The following SLF1 variants were observed in gnomAD, a reference collection of about 807,000 sequenced individuals.
SLF1 encodes the protein SMC5/6 complex localization factor 1, also known as SMC5-SMC6 complex localization factor protein 1.
SLF1 carries 105 observed loss-of-function variants against 123.0 expected under a neutral mutation model. The observed-to-expected ratio is 0.85, with a 90% confidence interval of 0.73 to 1.00. The LOEUF is 1.00. Ranked by LOEUF, SLF1 falls within the 50% of genes least tolerant of loss-of-function variation. The pLI is 0.00. For missense variants in SLF1, 1,239 were observed against 1,223.0 expected, an observed-to-expected ratio of 1.01 and a Z score of -0.20; for synonymous variants, 434 against 406.6, an observed-to-expected ratio of 1.07 and a Z score of -0.81.
chr5:94,645,616 G>T (rs1474424401), intron 5 of SLF1, among the ~76,000 whole-genome samples: 4 of 152,102 alleles, frequency 2.6e-5, no homozygotes, highest in Non-Finnish European at 5.9e-5. Flanking sequence ...CATATACCAT[G>T]CATTATCTAC....
chr5:94,623,775 C>T (rs564615865), intron 1 of SLF1, among the ~76,000 whole-genome samples: 9 of 152,142 alleles, frequency 5.9e-5, no homozygotes, highest in Non-Finnish European at 8.8e-5. Flanking sequence ...CTCTTTTTGG[C>T]CTCATTAACA....
At chr5:94,691,929 A>G (rs1753090870) in intron 19 of SLF1, 145 bp from the exon 20 acceptor site, 1 of 709,296 alleles carries the variant, frequency 1.4e-6, no homozygotes, top group Non-Finnish European at 2.2e-6. Flanking sequence ...AAATATGATT[A>G]CACCCTAGAC....
Position 94,678,822 on chromosome 5 carries a change from A to G in SLF1, c.1842A>G (p.Glu614=), listed in dbSNP as rs199780350. The G allele has an allele frequency of 6.2e-7, 1 of 1,612,946 alleles. No individual in the cohort carries two copies. The highest frequency in any genetic ancestry group is 8.5e-7 in the Non-Finnish European group (1 of 1,179,206). ...CTTAATGTTAGGTCTTCAAACATGAACTAGCTTACTTATTGGCTGGAATTC... is the reference window on the plus strand; with the variant it reads ...CTTAATGTTAGGTCTTCAAACATGAGCTAGCTTACTTATTGGCTGGAATTC... The part of the protein sequence containing the change: ...KFKSNDVFKH[E]LAYLLAGILG... The change falls in exon 15 of 21, where the codon GAA becomes GAG. Residue 614 remains glutamate, a synonymous_variant. Coordinates refer to ENST00000265140, the MANE Select transcript of SLF1 (RefSeq NM_032290.4).
At chr5:94,694,721 A>G (rs1359168865) in intron 20 of SLF1, 110 bp from the exon 21 acceptor site, 1 of 1,349,774 alleles carries the variant, frequency 7.4e-7, no homozygotes, top group African/African-American at 1.5e-5. Flanking sequence ...TTAATACAAA[A>G]TATGATTGCA....
chr5:94,671,025 T>C lies in SLF1; in HGVS notation c.1827+17T>C, dbSNP rs1356989022. On this transcript the variant is annotated intron_variant, in intron 14 of 20. Transcript: ENST00000265140. ...TCTAATGATGTAAGTAGGATTAATT[T>C]ATAGATGAATAGTCTATGGAAACAG... 13 of 1,467,182 alleles carry C rather than the reference T, an allele frequency of 8.9e-6. No individual in the cohort carries two copies. The South Asian group carries it at 1.3e-4, about 14-fold the overall frequency. The allele number at this position is 1,467,182 out of a possible 1,614,324, so 90.9% of individuals were successfully genotyped here.
chr5:94,663,723 T>G, intron 10 of SLF1, 27 bp from the exon 11 acceptor site: 1 of 1,468,602 alleles, frequency 6.8e-7, no homozygotes, highest in East Asian at 2.5e-5. Context: ...TTCTTTTCTC[T>G]GAATCATAGA....
At chr5:94,679,117 GA>G (rs1476170795) in intron 15 of SLF1, among the ~76,000 whole-genome samples, 162 bp downstream of exon 15, 4 of 152,156 alleles carry the variant, frequency 2.6e-5, no homozygotes, top group African/African-American at 9.7e-5. Context: ...ACAATATAAA[GA>G]GGAAGATTTA....
chr5:94,624,234 C>G (rs960478960), intron 1 of SLF1, among the ~76,000 whole-genome samples: 11 of 152,142 alleles, frequency 7.2e-5, no homozygotes, highest in African/African-American at 2.4e-4. Context: ...TCCTACTTCC[C>G]TTTCCTCCGC....
chr5:94,664,854 A>C (rs1377602305), intron 11 of SLF1, among the ~76,000 whole-genome samples: 1 of 152,340 alleles, frequency 6.6e-6, no homozygotes, highest in Non-Finnish European at 1.5e-5. Flanking sequence ...AAATCTGCAC[A>C]TAATCAAGTC....
At position 94,686,619 on chromosome 5, in the gene SLF1, C is replaced by T. The variant is rs1244183857; in HGVS notation, c.2022C>T (p.Ser674=). Residue 674 remains serine, a synonymous_variant, in exon 16 of 21, where the codon TCC becomes TCT. Transcript: ENST00000265140. ...AGATTTTCATTTGCTCCTTTTCCTC[C>T]TCCTGGCTTCAAATGTTTGTTGCAG... The part of the protein sequence containing the change: ...ELEIFICSFS[S]SWLQMFVAEA... 5 of 1,613,912 alleles carry T rather than the reference C, an allele frequency of 3.1e-6. No homozygotes were observed. Among genetic ancestry groups the T allele is most frequent in the South Asian group, 1.1e-5 (1 of 91,082 alleles).
intron 1 of SLF1, among the ~76,000 whole-genome samples, chr5:94,619,069 C>T (rs143483649): frequency 2.0e-5 from 3 of 152,234 alleles, no homozygotes; most frequent in African/African-American, 7.2e-5. Context: ...GCCACTTCCC[C>T]CGCTTCTGCT....
chr5:94,643,388 A>G lies in SLF1; in HGVS notation c.547A>G (p.Lys183Glu), dbSNP rs1446940120. 2 of 1,538,158 alleles carry G rather than the reference A, an allele frequency of 1.3e-6. No individual in the cohort carries two copies. Among genetic ancestry groups the G allele is most frequent in the African/African-American group, 1.4e-5 (1 of 72,682 alleles). The change falls in exon 5 of 21, where the codon AAG (lysine) becomes GAG (glutamate). Residue 183 changes from lysine (K) to glutamate (E), a missense_variant. By Grantham distance (56) the Lys-to-Glu change is moderately conservative. Coordinates refer to ENST00000265140, the MANE Select transcript of SLF1 (RefSeq NM_032290.4). ...AGCTGAGAAAGAAAAAGATAACTTTAAGGCTCCATTTTATCCAATTCAGTA... is the reference window on the plus strand; with the variant it reads ...AGCTGAGAAAGAAAAAGATAACTTTGAGGCTCCATTTTATCCAATTCAGTA... Reference protein sequence around the residue: ...IKAEKEKDNFKAPFYPIQYLG... With the variant: ...IKAEKEKDNFEAPFYPIQYLG...
chr5:94,637,136 T>C (rs1745904439), intron 4 of SLF1, among the ~76,000 whole-genome samples: 1 of 152,196 alleles, frequency 6.6e-6, no homozygotes. Context: ...CCTGATTCTT[T>C]GTAATCTTTG....
At chr5:94,654,856 T>C in intron 9 of SLF1, 104 bp downstream of exon 9, 1 of 820,286 alleles carries the variant, frequency 1.2e-6, no homozygotes, top group Non-Finnish European at 1.6e-6. Context: ...ATTAGTATGT[T>C]TAATATGTCT....
At chr5:94,620,601 C>G (rs545901247) in intron 1 of SLF1, among the ~76,000 whole-genome samples, 7 of 152,190 alleles carry the variant, frequency 4.6e-5, no homozygotes, top group Non-Finnish European at 7.4e-5. Context: ...TTAAATAAAA[C>G]TTTTTTAGAA....
At chr5:94,684,075 AT>A (rs1752115162) in intron 15 of SLF1, among the ~76,000 whole-genome samples, 1 of 151,856 alleles carries the variant, frequency 6.6e-6, no homozygotes, top group Non-Finnish European at 1.5e-5. Context: ...CCTTATTTCT[AT>A]AAGCCTACCA....
chr5:94,691,140 AAAG>A (rs1239140875), intron 18 of SLF1: 1 of 172,018 alleles, frequency 5.8e-6, no homozygotes, highest in Non-Finnish European at 1.2e-5. Context: ...GCTGTATAAA[AAAG>A]AGCCATACAT....
At chr5:94,660,081 C>T (rs1585171175) in intron 9 of SLF1, among the ~76,000 whole-genome samples, 1 of 152,096 alleles carries the variant, frequency 6.6e-6, no homozygotes, top group African/African-American at 2.4e-5. Context: ...TGTGATGGGT[C>T]GATCCACAGG....
intron 9 of SLF1, among the ~76,000 whole-genome samples, chr5:94,659,513 GTGT>G (rs1233018547): frequency 1.3e-5 from 2 of 152,192 alleles, no homozygotes; most frequent in African/African-American, 4.8e-5. Flanking sequence ...TGTATCTATA[GTGT>G]TGTTTGGATA....
Sources: gnomAD v4.1 joint callset for allele counts (sites outside exome capture counted in the v4.1 genomes callset) on GRCh38, gnomAD v4.1.1 for gene constraint, MANE v1.5 for transcripts, NCBI Gene and HGNC (gene_info 2026-07-23, HGNC 2026-07-21) for gene names.